Variants in UTS2 observed in about 807,000 individuals in gnomAD.
The protein encoded by UTS2 is urotensin 2, also known as urotensin-2.
UTS2 carries 10 observed loss-of-function variants against 12.6 expected under a neutral mutation model. The ratio of observed to expected loss-of-function variants is 0.80; its 90% CI spans 0.49 to 1.35. The LOEUF (loss-of-function observed/expected upper bound fraction) is 1.35, where lower values mean the gene tolerates loss of function less well. Among genes scored for constraint, UTS2 ranks in the 40% most tolerant of loss-of-function variants. The probability of loss-of-function intolerance (pLI) is 0.00; values close to 1 mark genes in which losing one functional copy is unlikely to be tolerated. For synonymous variants in UTS2, 52 were observed against 50.0 expected, an observed-to-expected ratio of 1.04 and a Z score of -0.17; for missense variants, 142 against 143.2, an observed-to-expected ratio of 0.99 and a Z score of 0.04.
the UTS2 span, among the ~76,000 whole-genome samples, chr1:7,892,406 A>G: frequency 1.3e-5 from 2 of 151,066 alleles, no homozygotes; most frequent in Admixed American, 6.6e-5. Flanking sequence ...TCCATCTGCA[A>G]AGCTTGCGAT....
chr1:7,868,002 T>G, the UTS2 span, among the ~76,000 whole-genome samples: 1 of 152,268 alleles, frequency 6.6e-6, no homozygotes, highest in East Asian at 1.9e-4. Flanking sequence ...GAAGATGTAT[T>G]AAATCAGACA....
chr1:7,882,634 G>A, the UTS2 span, among the ~76,000 whole-genome samples: 1 of 152,160 alleles, frequency 6.6e-6, no homozygotes. Flanking sequence ...ACAACCTAGA[G>A]AATGTAAGAA....
chr1:7,859,747 C>T, the UTS2 span, among the ~76,000 whole-genome samples: 1 of 152,218 alleles, frequency 6.6e-6, no homozygotes, highest in Non-Finnish European at 1.5e-5. Context: ...CCTGTCATCT[C>T]AGCACTTTGA....
the UTS2 span, among the ~76,000 whole-genome samples, chr1:7,885,585 G>A: frequency 1.3e-5 from 2 of 152,102 alleles, no homozygotes; most frequent in Non-Finnish European, 2.9e-5. Flanking sequence ...GGATAGAGAC[G>A]GGGCCGGGGA....
At chr1:7,912,418 C>A in the UTS2 span, among the ~76,000 whole-genome samples, 1 of 151,766 alleles carries the variant, frequency 6.6e-6, no homozygotes, top group African/African-American at 2.4e-5. Flanking sequence ...TGATTGGGAA[C>A]CTGGGCAGGA....
the UTS2 span, among the ~76,000 whole-genome samples, chr1:7,893,497 AAAT>A: frequency 7.9e-5 from 12 of 151,990 alleles, no homozygotes; most frequent in South Asian, 2.5e-3. Context: ...GTCTCTAAAT[AAAT>A]AAATAAATAA....
At chr1:7,869,482 G>A in the UTS2 span, among the ~76,000 whole-genome samples, 1 of 152,198 alleles carries the variant, frequency 6.6e-6, no homozygotes, top group African/African-American at 2.4e-5. Flanking sequence ...TCCACAGGCC[G>A]AGGTTTTTAT....
chr1:7,911,176 G>T, the UTS2 span, among the ~76,000 whole-genome samples: 3 of 152,212 alleles, frequency 2.0e-5, no homozygotes, highest in South Asian at 4.1e-4. Flanking sequence ...AGTTTGCTTC[G>T]ATTGCCTTCT....
the UTS2 span, among the ~76,000 whole-genome samples, chr1:7,861,668 G>A: frequency 6.6e-6 from 1 of 152,140 alleles, no homozygotes; most frequent in African/African-American, 2.4e-5. Flanking sequence ...CTGGCCCCAG[G>A]TAGCCAGGCT....
upstream of UTS2, chr1:7,853,428 C>A: frequency 1.2e-6 from 2 of 1,613,102 alleles, no homozygotes; most frequent in Non-Finnish European, 1.7e-6. Context: ...ACGTTGGTTT[C>A]CATTTTTTAA....
chr1:7,895,597 A>G, the UTS2 span, among the ~76,000 whole-genome samples: 1 of 152,180 alleles, frequency 6.6e-6, no homozygotes, highest in Non-Finnish European at 1.5e-5. Flanking sequence ...ATTGACAGAT[A>G]ACTACCATCT....
At chr1:7,857,129 A>AAGGAAGGAAGGAAGGAAGGAAGGG (rs1372448101), upstream of UTS2, among the ~76,000 whole-genome samples, 3 of 151,438 alleles carry the variant, frequency 2.0e-5, 1 homozygote, top group Admixed American at 1.3e-4. Flanking sequence ...GGAAGGAAGG[A>AAGGAAGGAAGGAAGGAAGGAAGGG]AGGAAGGAAG....
chr1:7,883,045 G>A, the UTS2 span, among the ~76,000 whole-genome samples: 4 of 152,070 alleles, frequency 2.6e-5, no homozygotes, highest in African/African-American at 7.2e-5. Context: ...TTAATCCAAA[G>A]GGAAGAAAAT....
the UTS2 span, among the ~76,000 whole-genome samples, chr1:7,872,500 C>T: frequency 6.6e-6 from 1 of 152,052 alleles, no homozygotes; most frequent in Admixed American, 6.6e-5. Flanking sequence ...TAAAGCAAAA[C>T]AGCCTTCTTG....
chr1:7,908,499 C>T, the UTS2 span, among the ~76,000 whole-genome samples: 1 of 143,008 alleles, frequency 7.0e-6, no homozygotes. Flanking sequence ...GACTAGTAAA[C>T]TAAGACCACC....
upstream of UTS2, chr1:7,853,423 G>A (rs753566289): frequency 1.2e-6 from 2 of 1,613,184 alleles, no homozygotes; most frequent in South Asian, 2.2e-5. Context: ...GAAATACGTT[G>A]GTTTCCATTT....
Position 7,849,622 on chromosome 1 carries a change from AT to A in UTS2, c.258+17del. 2 of 1,600,992 alleles carry A rather than the reference AT, an allele frequency of 1.2e-6. No individual in the cohort carries two copies. The highest frequency in any genetic ancestry group is 1.7e-6 in the Non-Finnish European group (2 of 1,173,122). ...ATGTTCACCTTTTTAAACCTAACTCATAAATAGAGTCACTTACCTTTCTCAA... is the reference window on the plus strand; with the variant it reads ...ATGTTCACCTTTTTAAACCTAACTCAAAATAGAGTCACTTACCTTTCTCAA... On this transcript the variant is annotated intron_variant, in intron 3 of 3. Coordinates refer to ENST00000361696, the MANE Select transcript of UTS2 (RefSeq NM_006786.4).
chr1:7,862,986 TTGTGTTG>T, the UTS2 span, among the ~76,000 whole-genome samples: 11 of 23,068 alleles, frequency 4.8e-4, no homozygotes, highest in Admixed American at 3.4e-3. Context: ...ATTTATTGTG[TTGTGTTG>T]TATTGTATTG....
At chr1:7,863,492 CACTT>C in the UTS2 span, among the ~76,000 whole-genome samples, 4 of 152,182 alleles carry the variant, frequency 2.6e-5, no homozygotes, top group Admixed American at 6.5e-5. Flanking sequence ...TCTCCCATCT[CACTT>C]ACCACGTTTT....
Sources: gnomAD v4.1 joint callset for allele counts (sites outside exome capture counted in the v4.1 genomes callset) on GRCh38, gnomAD v4.1.1 for gene constraint, MANE v1.5 for transcripts, NCBI Gene and HGNC (gene_info 2026-07-23, HGNC 2026-07-21) for gene names.